BEND3: variants seen among roughly 807,000 people sequenced by gnomAD.
BEND3 encodes BEN domain containing 3, also known as BEN domain-containing protein 3.
Under a neutral mutation model 60.1 loss-of-function variants are expected in BEND3, and 13 were observed. That is an observed-to-expected ratio of 0.22 (90% CI 0.14 to 0.34). BEND3 has a LOEUF of 0.34. Ranked by LOEUF, BEND3 falls within the 10% of genes least tolerant of loss-of-function variation. The pLI, the probability that BEND3 is intolerant of heterozygous loss-of-function variation, is 1.00. For synonymous variants in BEND3, 497 were observed against 491.5 expected, an observed-to-expected ratio of 1.01 and a Z score of -0.15; for missense variants, 896 against 1,138.1, an observed-to-expected ratio of 0.79 and a Z score of 3.06.
In BEND3 at chr6:107,068,541, GT is replaced by G; in HGVS notation, c.*162del. 1.4e-6 allele frequency: 1 copy of G among 740,212 alleles called. No individual in the cohort carries two copies. Among genetic ancestry groups the G allele is most frequent in the South Asian group, 2.0e-5 (1 of 50,944 alleles). The allele number at this position is 740,212 out of a possible 1,614,324, so 45.9% of individuals were successfully genotyped here. On this transcript the variant is annotated 3_prime_UTR_variant, in exon 4 of 4. Transcript: ENST00000369042. This position sits in a 1 kb window ranked among gnomAD's most constrained non-coding sequence, Gnocchi z 5.8. Reference sequence around the variant, plus strand: ...CCAAACTCAAGGCTTCTTTCTTGCGGTTGGGTGGGTGTTTACGTGTGCAAAT... The same window carrying G: ...CCAAACTCAAGGCTTCTTTCTTGCGGTGGGTGGGTGTTTACGTGTGCAAAT...
Position 107,085,154 on chromosome 6 carries a change from G to A in BEND3, c.240+13397C>T, listed in dbSNP as rs576583119. Among the ~76,000 whole-genome samples the A allele has an allele frequency of 1.4e-4, 22 of 152,246 alleles. No individual in the cohort carries two copies. The South Asian group carries it at 3.1e-3, about 22-fold the overall frequency. On this transcript the variant is annotated intron_variant, in intron 3 of 3. Transcript: ENST00000369042. ...TGTAACACTCACTGCGAAGGTCTGC[G>A]GCTTCACTCCTGAAGTCAGCGAGAC... is the stretch of plus-strand genomic sequence containing the variant.
chr6:107,108,654 G>A (rs1775873609), intron 1 of BEND3, among the ~76,000 whole-genome samples: 1 of 152,106 alleles, frequency 6.6e-6, no homozygotes, highest in East Asian at 1.9e-4. Context: ...AACCAAAACA[G>A]CCCCTGACAT....
intron 3 of BEND3, among the ~76,000 whole-genome samples, chr6:107,081,328 C>A (rs1343631432): frequency 1.3e-5 from 2 of 151,600 alleles, no homozygotes; most frequent in Non-Finnish European, 2.9e-5. Context: ...TCAAGCAATT[C>A]TCCTGCCTTA....
intron 3 of BEND3, among the ~76,000 whole-genome samples, chr6:107,081,467 C>A (rs1554233542): frequency 6.6e-6 from 1 of 151,942 alleles, no homozygotes; most frequent in Non-Finnish European, 1.5e-5. Context: ...GGTGATCCAC[C>A]CGCCTCGGCC....
rs1235781600 is a variant in BEND3, at chr6:107,069,004, G to C, written c.2187C>G (p.Ile729Met). 7.4e-6 allele frequency: 12 copies of C among 1,613,672 alleles called. No homozygotes were observed. The highest frequency in any genetic ancestry group is 1.0e-5 in the Non-Finnish European group (12 of 1,180,026). ...YLLSDKEVRE[I>M]VQQSLSVGNF... ...TGCCCACGGAGAGGCTCTGCTGCAC[G>C]ATCTCACGCACCTCCTTGTCAGACA... Residue 729 changes from isoleucine to methionine, a missense_variant, in exon 4 of 4, where the codon ATC (isoleucine) becomes ATG (methionine). Around this residue, in one of 4 missense-constraint regions of BEND3, gnomAD observed 846 missense variants for 1,036.7 expected, o/e 0.82. Coordinates refer to ENST00000369042, the MANE Select transcript of BEND3 (RefSeq NM_001367314.1).
chr6:107,065,516 C>T lies in BEND3; in HGVS notation c.*3188G>A, dbSNP rs1554230651. The T allele has an allele frequency of 1.3e-5, 2 of 152,186 alleles. No individual in the cohort carries two copies. The highest frequency in any genetic ancestry group is 1.3e-4 in the Admixed American group (2 of 15,258). The allele number at this position is 152,186 out of a possible 1,614,324, so 9.4% of individuals were successfully genotyped here. ...CCAACAGCAGTAATAGCCCCTTGGC[C>T]CTCACCCCCACTTCATGTATCTATA... On this transcript the variant is annotated 3_prime_UTR_variant, in exon 4 of 4. Transcript: ENST00000369042.
intron 3 of BEND3, among the ~76,000 whole-genome samples, chr6:107,078,567 G>A (rs1347694043): frequency 4.0e-3 from 35 of 8,720 alleles, no homozygotes; most frequent in East Asian, 0.028. Context: ...CCATTCTCCT[G>A]CCTCAGCCTC....
At chr6:107,100,208 A>G (rs759775736) in intron 1 of BEND3, among the ~76,000 whole-genome samples, 26 of 151,892 alleles carry the variant, frequency 1.7e-4, no homozygotes, top group Non-Finnish European at 2.6e-4. Flanking sequence ...TGAAATGATA[A>G]TATTTTGGAC....
chr6:107,100,852 A>G (rs1451242308), intron 1 of BEND3, among the ~76,000 whole-genome samples: 3 of 152,204 alleles, frequency 2.0e-5, no homozygotes, highest in African/African-American at 7.2e-5. Flanking sequence ...GACTACAAAC[A>G]CAGAGTTCTC....
In BEND3 at chr6:107,085,385, G is replaced by A. The variant is rs184927632; in HGVS notation, c.240+13166C>T. 1.1e-3 allele frequency among the ~76,000 whole-genome samples: 171 copies of A among 152,332 alleles called. 1 individual carries two copies. Among genetic ancestry groups the A allele is most frequent in the African/African-American group, 4.0e-3 (166 of 41,580 alleles). On this transcript the variant is annotated intron_variant, in intron 3 of 3. Coordinates refer to ENST00000369042, the MANE Select transcript of BEND3 (RefSeq NM_001367314.1). ...TACCAGGTTCTCACAGCGAATATTA[G>A]AGAAAAATCCCCTTCTACTTCTGGC...
At chr6:107,078,703 C>T (rs1241784113) in intron 3 of BEND3, among the ~76,000 whole-genome samples, 3 of 151,168 alleles carry the variant, frequency 2.0e-5, no homozygotes, top group African/African-American at 7.3e-5. Context: ...TCCACAACAG[C>T]CCAGCGAGGC....
rs923246702 is a variant in BEND3, at chr6:107,068,888, T to C, written c.2303A>G (p.Asn768Ser). The C allele has an allele frequency of 3.1e-6, 5 of 1,613,456 alleles. No individual in the cohort carries two copies. Among genetic ancestry groups the C allele is most frequent in the Non-Finnish European group, 4.2e-6 (5 of 1,179,856 alleles). ...RLQYNHSGAC[N>S]KKQLDPTRLR... The stretch of plus-strand genomic sequence containing the variant: ...CCGCGTGGGGTCCAGTTGCTTCTTG[T>C]TGCAAGCCCCGGAATGGTTGTACTG... Residue 768 changes from asparagine to serine, a missense_variant, in exon 4 of 4, where the codon AAC becomes AGC. Physicochemically the swap from Asn to Ser is conservative, Grantham distance 46. Transcript: ENST00000369042. The surrounding 1 kb of genome is among the most constrained non-coding windows in gnomAD (Gnocchi z 5.8).
intron 3 of BEND3, among the ~76,000 whole-genome samples, chr6:107,072,634 C>G (rs985704968): frequency 6.6e-6 from 1 of 152,108 alleles, no homozygotes; most frequent in Admixed American, 6.6e-5. Context: ...AAACCAAGAG[C>G]CCAAATAAAC....
chr6:107,087,864 C>T (rs1267973639), intron 3 of BEND3, among the ~76,000 whole-genome samples: 1 of 135,810 alleles, frequency 7.4e-6, no homozygotes, highest in Non-Finnish European at 1.5e-5. Flanking sequence ...ACTCTGGGCT[C>T]AAATGATCCT....
chr6:107,079,058 C>T (rs539892823), intron 3 of BEND3, among the ~76,000 whole-genome samples: 42 of 152,072 alleles, frequency 2.8e-4, no homozygotes, highest in Middle Eastern at 3.4e-3. Flanking sequence ...TCCAGAGGAG[C>T]GGATCAGTGG....
At chr6:107,090,304 G>C (rs2115018362) in intron 3 of BEND3, among the ~76,000 whole-genome samples, 1 of 152,188 alleles carries the variant, frequency 6.6e-6, no homozygotes, top group East Asian at 1.9e-4. Context: ...AGCCAAGATC[G>C]CACCACTGCA....
At chr6:107,071,528 G>A (rs962786911) in intron 3 of BEND3, among the ~76,000 whole-genome samples, 5 of 152,152 alleles carry the variant, frequency 3.3e-5, no homozygotes, top group African/African-American at 7.2e-5. Flanking sequence ...TGTGGAGAGC[G>A]GCTGTCTGAT....
intron 3 of BEND3, among the ~76,000 whole-genome samples, chr6:107,076,166 C>T (rs536792277): frequency 6.6e-6 from 1 of 152,308 alleles, no homozygotes; most frequent in South Asian, 2.1e-4. Flanking sequence ...CCAATTAATT[C>T]CACAAATGCT....
chr6:107,108,433 G>A (rs1456096474), intron 1 of BEND3, among the ~76,000 whole-genome samples: 1 of 152,198 alleles, frequency 6.6e-6, no homozygotes, highest in African/African-American at 2.4e-5. Context: ...AGGAGGGACC[G>A]CACATTCCAG....
Sources: gnomAD v4.1 joint callset for allele counts (sites outside exome capture counted in the v4.1 genomes callset) on GRCh38, gnomAD v4.1.1 for gene constraint, gnomAD v4.1.1 regional missense constraint, Gnocchi (gnomAD v3.1) non-coding constraint, MANE v1.5 for transcripts, NCBI Gene and HGNC (gene_info 2026-07-23, HGNC 2026-07-21) for gene names.